Variants in NTN4 observed in about 807,000 individuals in gnomAD.
NTN4 encodes the protein netrin 4.
NTN4 carries 32 observed loss-of-function variants against 73.6 expected under a neutral mutation model. The observed-to-expected ratio is 0.44, with a 90% CI of 0.33 to 0.58. NTN4 has a LOEUF of 0.58. NTN4 is among the 20% of genes least tolerant of loss of function. The pLI is 0.04. For missense variants in NTN4, 654 were observed against 798.3 expected, an observed-to-expected ratio of 0.82 and a Z score of 2.18; for synonymous variants, 258 against 287.5, an observed-to-expected ratio of 0.90 and a Z score of 1.04.
At chr12:95,680,264 GATGA>G (rs1279140378) in intron 7 of NTN4, among the ~76,000 whole-genome samples, 1 of 152,204 alleles carries the variant, frequency 6.6e-6, no homozygotes, top group African/African-American at 2.4e-5. Context: ...ATATCTGTTG[GATGA>G]ATGAATAAAT....
intron 2 of NTN4, among the ~76,000 whole-genome samples, chr12:95,752,748 G>A (rs958988771): frequency 2.0e-5 from 3 of 150,194 alleles, no homozygotes; most frequent in Non-Finnish European, 4.4e-5. Flanking sequence ...GGACCACACC[G>A]TGTAGCCTTT....
At chr12:95,687,506 T>C (rs763888794) in intron 5 of NTN4, among the ~76,000 whole-genome samples, 20 of 152,032 alleles carry the variant, frequency 1.3e-4, no homozygotes, top group South Asian at 8.3e-4. Flanking sequence ...GTTCAATCTA[T>C]TCTCCTGCCT....
chr12:95,703,787 A>G (rs930848322), intron 5 of NTN4, among the ~76,000 whole-genome samples: 9 of 152,208 alleles, frequency 5.9e-5, no homozygotes, highest in African/African-American at 2.2e-4. Context: ...TTCTAAGCCT[A>G]TATGCACACA....
intron 5 of NTN4, among the ~76,000 whole-genome samples, chr12:95,709,149 T>C (rs558035773): frequency 7.2e-5 from 11 of 152,378 alleles, no homozygotes; most frequent in African/African-American, 2.6e-4. Flanking sequence ...AAGAGCAATA[T>C]AGTTTTTCCT....
intron 5 of NTN4, among the ~76,000 whole-genome samples, chr12:95,684,556 C>G (rs2078346871): frequency 1.3e-5 from 2 of 151,898 alleles, no homozygotes; most frequent in Admixed American, 1.3e-4. Flanking sequence ...AATCCTCTCA[C>G]CTTGGCCTCC....
At position 95,669,205 on chromosome 12, in the gene NTN4, C is replaced by CAA. The variant is rs199756675; in HGVS notation, c.1579+872_1579+873insTT. 1.0e-3 allele frequency among the ~76,000 whole-genome samples: 133 copies of CAA among 131,386 alleles called. 1 individual carries two copies. Among genetic ancestry groups the CAA allele is most frequent in the South Asian group, 7.6e-3 (32 of 4,204 alleles). 86.2% of individuals were successfully genotyped at this position (131,386 alleles called of 152,430 possible). On this transcript the variant is annotated intron_variant, in intron 8 of 9. Coordinates refer to ENST00000343702, the MANE Select transcript of NTN4 (RefSeq NM_021229.4). ...GCTGGGCAACAAAGCGAGACTCTGT[C>CAA]TAAAAAAAAAAAAAAAAGTCTCAGA...
At position 95,684,876 on chromosome 12, in the gene NTN4, AT is replaced by A. The variant is rs1270959245; in HGVS notation, c.1181-1166del. Among the ~76,000 whole-genome samples, 7 of 151,860 alleles carry A rather than the reference AT, an allele frequency of 4.6e-5. No homozygotes were observed. The East Asian group carries it at 1.4e-3, about 29-fold the overall frequency. On this transcript the variant is annotated intron_variant, in intron 5 of 9. Coordinates refer to ENST00000343702, the MANE Select transcript of NTN4 (RefSeq NM_021229.4). ...CTCCAAACCAATGCTCACCAACTCT[AT>A]TTTTGCTTTTTTGAGACAGGGTCTT... is the stretch of plus-strand genomic sequence containing the variant.
chr12:95,754,972 G>A (rs1288002627), intron 2 of NTN4, among the ~76,000 whole-genome samples: 1 of 152,126 alleles, frequency 6.6e-6, no homozygotes, highest in Non-Finnish European at 1.5e-5. Context: ...GTTAAATCTT[G>A]TCACTACACA....
At chr12:95,741,739 A>T (rs1407686581) in intron 2 of NTN4, among the ~76,000 whole-genome samples, 1 of 151,580 alleles carries the variant, frequency 6.6e-6, no homozygotes, top group African/African-American at 2.4e-5. Context: ...CAATTATAAC[A>T]ATACACTGTA....
intron 2 of NTN4, among the ~76,000 whole-genome samples, chr12:95,762,262 C>T (rs1484541953): frequency 2.6e-5 from 4 of 152,158 alleles, no homozygotes; most frequent in African/African-American, 9.7e-5. Flanking sequence ...AACCCTGTTA[C>T]CCTGGTGGAG....
chr12:95,685,026 C>T (rs1432299531), intron 5 of NTN4, among the ~76,000 whole-genome samples: 17 of 152,114 alleles, frequency 1.1e-4, no homozygotes, highest in South Asian at 2.1e-4. Flanking sequence ...CACGCCACTA[C>T]GCCCAGCTAA....
intron 2 of NTN4, among the ~76,000 whole-genome samples, chr12:95,742,881 A>G (rs948212065): frequency 2.6e-5 from 4 of 152,246 alleles, no homozygotes; most frequent in Non-Finnish European, 5.9e-5. Flanking sequence ...TCATTCTAAG[A>G]GGAGAAGCCA....
chr12:95,756,373 A>C (rs1565909452), intron 2 of NTN4, among the ~76,000 whole-genome samples: 1 of 152,142 alleles, frequency 6.6e-6, no homozygotes, highest in African/African-American at 2.4e-5. Flanking sequence ...CGTTTTCTTC[A>C]AAGGTCTGAG....
chr12:95,683,792 G>T, intron 5 of NTN4, 81 bp from the exon 6 acceptor site: 2 of 1,092,498 alleles, frequency 1.8e-6, no homozygotes, highest in Non-Finnish European at 2.7e-6. Flanking sequence ...ATCCCCAAGT[G>T]GCTTCCCTTC....
At chr12:95,694,444 C>T (rs893658455) in intron 5 of NTN4, among the ~76,000 whole-genome samples, 11 of 151,858 alleles carry the variant, frequency 7.2e-5, no homozygotes, top group Non-Finnish European at 1.6e-4. Flanking sequence ...GAAGTCATTC[C>T]AAAAGCTGCC....
chr12:95,742,015 T>G (rs1364834113), intron 2 of NTN4, among the ~76,000 whole-genome samples: 1 of 152,202 alleles, frequency 6.6e-6, no homozygotes, highest in East Asian at 1.9e-4. Flanking sequence ...ATTTTCCTGG[T>G]CTTGCCTTAT....
intron 3 of NTN4, among the ~76,000 whole-genome samples, chr12:95,735,162 G>A (rs993768405): frequency 6.6e-6 from 1 of 152,218 alleles, no homozygotes; most frequent in African/African-American, 2.4e-5. Context: ...GCTTAGGGGT[G>A]GAAAAATCGA....
chr12:95,767,732 CT>C (rs1312842753), intron 2 of NTN4, among the ~76,000 whole-genome samples: 1 of 152,216 alleles, frequency 6.6e-6, no homozygotes, highest in Non-Finnish European at 1.5e-5. Flanking sequence ...AACGCCCCCC[CT>C]CCAAGTGAAC....
chr12:95,683,540 C>A lies in NTN4; in HGVS notation c.1352G>T (p.Cys451Phe). 1 of 1,614,202 alleles carries A rather than the reference C, an allele frequency of 6.2e-7. No homozygotes were observed. The highest frequency in any genetic ancestry group is 8.5e-7 in the Non-Finnish European group (1 of 1,180,038). Reference protein sequence around the residue: ...FGDYGCRPCDCAGSCDPITGD... With the variant: ...FGDYGCRPCDFAGSCDPITGD... ...GGTGATAGGGTCACAGCTCCCCGCA[C>A]AGTCACATGGTCGACAGCCATAGTC... The change falls in exon 6 of 10, where the codon TGT becomes TTT. Residue 451 changes from cysteine to phenylalanine, a missense_variant. Physicochemically the swap from Cys to Phe is radical, Grantham distance 205. Coordinates refer to ENST00000343702, the MANE Select transcript of NTN4 (RefSeq NM_021229.4).
Sources: allele counts gnomAD v4.1 joint callset (sites outside exome capture counted in the v4.1 genomes callset), GRCh38; gene constraint gnomAD v4.1.1; transcripts MANE v1.5; gene names NCBI Gene and HGNC (gene_info 2026-07-23, HGNC 2026-07-21).